The following CACNA2D3 variants were observed in gnomAD, a reference collection of about 807,000 sequenced individuals.
The protein encoded by CACNA2D3 is voltage-dependent calcium channel subunit alpha-2/delta-3.
A neutral mutation model predicts 160.6 loss-of-function variants in CACNA2D3; 60 were observed. That is an observed-to-expected ratio of 0.37 (90% CI 0.30 to 0.46). CACNA2D3 has a LOEUF of 0.46. Ranked by LOEUF, CACNA2D3 falls within the 20% of genes least tolerant of loss-of-function variation. The probability of loss-of-function intolerance (pLI) is 1.00; values close to 1 mark genes in which losing one functional copy is unlikely to be tolerated. For missense variants in CACNA2D3, 1,205 were observed against 1,365.0 expected (o/e 0.88, Z 1.85); for synonymous variants, 558 against 492.9 (o/e 1.13, Z -1.75).
intron 23 of CACNA2D3, among the ~76,000 whole-genome samples, 181 bp from the exon 24 acceptor site, chr3:54,887,778 T>C (rs534500365): frequency 2.6e-5 from 4 of 152,310 alleles, no homozygotes; most frequent in African/African-American, 9.6e-5. Context: ...GAGGCTCCTG[T>C]GTTGCAGGCA....
intron 27 of CACNA2D3, among the ~76,000 whole-genome samples, chr3:54,941,897 A>G (rs1036731871): frequency 6.6e-6 from 1 of 152,188 alleles, no homozygotes; most frequent in African/African-American, 2.4e-5. Context: ...TGTAGTAAAA[A>G]TGGAAACTGC....
At chr3:54,664,234 C>T (rs1260630313) in intron 11 of CACNA2D3, among the ~76,000 whole-genome samples, 1 of 152,216 alleles carries the variant, frequency 6.6e-6, no homozygotes, top group Admixed American at 6.5e-5. Flanking sequence ...CTGCCCTGCA[C>T]AACAAGGCCA....
chr3:54,247,312 T>TCAAACAAGCAAA (rs1702100572), intron 2 of CACNA2D3, among the ~76,000 whole-genome samples: 1 of 150,734 alleles, frequency 6.6e-6, no homozygotes, highest in Non-Finnish European at 1.5e-5. Context: ...CGACTCCATC[T>TCAAACAAGCAAA]CAAACAAACA....
intron 2 of CACNA2D3, among the ~76,000 whole-genome samples, chr3:54,244,832 A>C (rs1441897312): frequency 2.0e-5 from 3 of 152,246 alleles, no homozygotes; most frequent in African/African-American, 7.2e-5. Context: ...ACCACATATA[A>C]ATATTTAACA....
intron 11 of CACNA2D3, among the ~76,000 whole-genome samples, chr3:54,651,202 C>G (rs77814225): frequency 0.015 from 2,301 of 152,186 alleles, 52 homozygotes; most frequent in African/African-American, 0.052. Flanking sequence ...CCTCCTGCCC[C>G]CAAGTACAGG....
chr3:54,642,938 G>C (rs1392437467), intron 11 of CACNA2D3, among the ~76,000 whole-genome samples: 1 of 152,048 alleles, frequency 6.6e-6, no homozygotes, highest in African/African-American at 2.4e-5. Flanking sequence ...AAATCTCTGG[G>C]GATGTGGTTC....
intron 13 of CACNA2D3, among the ~76,000 whole-genome samples, chr3:54,811,393 A>G (rs1053566978): frequency 4.8e-5 from 7 of 145,168 alleles, no homozygotes; most frequent in African/African-American, 1.0e-4. Flanking sequence ...TCGATTCTCA[A>G]CTCTACCTGG....
At chr3:54,990,877 A>T (rs1702723507) in intron 31 of CACNA2D3, among the ~76,000 whole-genome samples, 1 of 152,222 alleles carries the variant, frequency 6.6e-6, no homozygotes, top group Non-Finnish European at 1.5e-5. Flanking sequence ...AACTTGAAAG[A>T]ATTTTGAGAA....
intron 11 of CACNA2D3, among the ~76,000 whole-genome samples, chr3:54,687,948 T>G (rs1700501056): frequency 6.6e-6 from 1 of 152,212 alleles, no homozygotes; most frequent in South Asian, 2.1e-4. Flanking sequence ...ACAGGTTTTT[T>G]TTGTTTTGTT....
At chr3:54,815,218 C>T (rs1473100104) in intron 13 of CACNA2D3, among the ~76,000 whole-genome samples, 1 of 152,100 alleles carries the variant, frequency 6.6e-6, no homozygotes, top group Non-Finnish European at 1.5e-5. Flanking sequence ...AGGAAAACAT[C>T]CTCATATTTC....
intron 25 of CACNA2D3, among the ~76,000 whole-genome samples, chr3:54,895,823 T>C (rs1700175422): frequency 6.6e-6 from 1 of 152,148 alleles, no homozygotes. Context: ...CACATGTGAC[T>C]CTCCAGAGGG....
intron 2 of CACNA2D3, among the ~76,000 whole-genome samples, chr3:54,308,373 A>G (rs961712637): frequency 1.3e-5 from 2 of 152,152 alleles, no homozygotes; most frequent in Non-Finnish European, 2.9e-5. Flanking sequence ...CAGAACTGAT[A>G]AGGGCCACGT....
intron 11 of CACNA2D3, among the ~76,000 whole-genome samples, chr3:54,745,532 A>G (rs1185808253): frequency 6.6e-6 from 1 of 152,222 alleles, no homozygotes; most frequent in African/African-American, 2.4e-5. Flanking sequence ...GAAAAATCCA[A>G]AGACATGGTT....
At chr3:54,741,811 C>G (rs920321970) in intron 11 of CACNA2D3, among the ~76,000 whole-genome samples, 1 of 151,620 alleles carries the variant, frequency 6.6e-6, no homozygotes, top group East Asian at 1.9e-4. Flanking sequence ...CTGCCTTGTT[C>G]CTATTTTTTT....
At chr3:55,027,492 G>T (rs1410783552) in intron 35 of CACNA2D3, among the ~76,000 whole-genome samples, 1 of 152,194 alleles carries the variant, frequency 6.6e-6, no homozygotes, top group Non-Finnish European at 1.5e-5. Flanking sequence ...TGGCCAGCAT[G>T]ATTGGTGGCA....
intron 3 of CACNA2D3, among the ~76,000 whole-genome samples, chr3:54,353,625 C>T (rs931642513): frequency 1.1e-4 from 17 of 152,102 alleles, no homozygotes; most frequent in Non-Finnish European, 8.8e-5. Flanking sequence ...CATGCAGTAG[C>T]GCAGAGTAGT....
At chr3:54,648,354 C>T (rs541179345) in intron 11 of CACNA2D3, among the ~76,000 whole-genome samples, 5 of 152,330 alleles carry the variant, frequency 3.3e-5, no homozygotes, top group African/African-American at 1.2e-4. Flanking sequence ...TTACTATTGT[C>T]TATGGCTGAT....
chr3:54,897,075 C>A, intron 26 of CACNA2D3: 1 of 519,476 alleles, frequency 1.9e-6, no homozygotes, highest in Non-Finnish European at 3.4e-6. Context: ...TTTCCTTTAC[C>A]AAATTATGTA....
chr3:54,209,188 A>C (rs1701325827), intron 2 of CACNA2D3, among the ~76,000 whole-genome samples: 1 of 152,212 alleles, frequency 6.6e-6, no homozygotes, highest in Non-Finnish European at 1.5e-5. Flanking sequence ...TGGTCAGTTC[A>C]CTGGAACCAA....
Sources: gnomAD v4.1 joint callset for allele counts (sites outside exome capture counted in the v4.1 genomes callset) on GRCh38, gnomAD v4.1.1 for gene constraint, MANE v1.5 for transcripts, NCBI Gene and HGNC (gene_info 2026-07-23, HGNC 2026-07-21) for gene names.